TMEFF2: variants seen among roughly 807,000 people sequenced by gnomAD.
The protein encoded by TMEFF2 is tomoregulin-2.
TMEFF2 carries 28 observed loss-of-function variants against 53.8 expected under a neutral mutation model. That is an observed-to-expected ratio of 0.52 (90% confidence interval 0.39 to 0.71). TMEFF2 has a LOEUF of 0.71. Among genes scored for constraint, TMEFF2 ranks in the 30% least tolerant of loss-of-function variants. The pLI, the probability that TMEFF2 is intolerant of heterozygous loss-of-function variation, is 0.00. For synonymous variants in TMEFF2, 162 were observed against 166.3 expected (o/e 0.97, Z 0.20); for missense variants, 353 against 455.2 (o/e 0.78, Z 2.04).
At chr2:191,969,801 G>T (rs1692583004) in intron 7 of TMEFF2, among the ~76,000 whole-genome samples, 1 of 152,134 alleles carries the variant, frequency 6.6e-6, no homozygotes. Context: ...TCAGGAATAA[G>T]ATAAAATTAT....
intron 4 of TMEFF2, among the ~76,000 whole-genome samples, chr2:192,108,497 G>A (rs533079920): frequency 5.9e-5 from 9 of 151,580 alleles, no homozygotes; most frequent in Non-Finnish European, 1.0e-4. Flanking sequence ...CTTTAATGTC[G>A]TTAACACATT....
At chr2:191,981,646 A>G (rs539093979) in intron 7 of TMEFF2, among the ~76,000 whole-genome samples, 62 of 152,206 alleles carry the variant, frequency 4.1e-4, no homozygotes, top group Non-Finnish European at 7.1e-4. Context: ...TTGAATAATT[A>G]TAATTTGGCA....
intron 5 of TMEFF2, among the ~76,000 whole-genome samples, chr2:192,026,505 A>G (rs1429779416): frequency 2.6e-5 from 4 of 152,194 alleles, no homozygotes; most frequent in African/African-American, 9.6e-5. Flanking sequence ...GGCCAAGTGC[A>G]GTGGCTTTTA....
At chr2:192,134,502 G>T (rs538799142) in intron 4 of TMEFF2, among the ~76,000 whole-genome samples, 3 of 152,016 alleles carry the variant, frequency 2.0e-5, no homozygotes, top group Admixed American at 2.0e-4. Context: ...CCTTTCCATC[G>T]TGGAAATCTA....
intron 7 of TMEFF2, among the ~76,000 whole-genome samples, chr2:191,961,487 C>T (rs558038956): frequency 2.3e-5 from 3 of 130,628 alleles, no homozygotes; most frequent in African/African-American, 8.5e-5. Flanking sequence ...TTCTTACACA[C>T]CTTTTGTAAT....
intron 2 of TMEFF2, 29 bp downstream of exon 2, chr2:192,191,851 T>A (rs1279111692): frequency 1.4e-6 from 2 of 1,442,212 alleles, no homozygotes; most frequent in African/African-American, 2.8e-5. Context: ...CATTAATGAA[T>A]TAGAAGATGC....
At chr2:192,161,639 G>A (rs907635762) in intron 4 of TMEFF2, among the ~76,000 whole-genome samples, 1 of 152,176 alleles carries the variant, frequency 6.6e-6, no homozygotes, top group Non-Finnish European at 1.5e-5. Context: ...GGACCAGTCT[G>A]GAGACAACTG....
At chr2:191,963,615 A>G (rs1256785598) in intron 7 of TMEFF2, among the ~76,000 whole-genome samples, 2 of 152,218 alleles carry the variant, frequency 1.3e-5, no homozygotes, top group East Asian at 3.8e-4. Flanking sequence ...ATATAGTGAA[A>G]GCAAAGGTCT....
chr2:192,013,714 T>C (rs1025138642), intron 5 of TMEFF2, among the ~76,000 whole-genome samples: 2 of 152,182 alleles, frequency 1.3e-5, no homozygotes, highest in East Asian at 1.9e-4. Flanking sequence ...CCTCCCAAAG[T>C]GCTGGGATTT....
chr2:191,984,318 C>CTGTT (rs1685924724), intron 7 of TMEFF2, among the ~76,000 whole-genome samples: 1 of 152,044 alleles, frequency 6.6e-6, no homozygotes, highest in African/African-American at 2.4e-5. Flanking sequence ...AGGATAAAGT[C>CTGTT]TCATATATAT....
intron 9 of TMEFF2, among the ~76,000 whole-genome samples, chr2:191,951,157 GTGTA>G (rs199779291): frequency 0.045 from 6,579 of 145,658 alleles, 186 homozygotes; most frequent in Non-Finnish European, 0.068. Context: ...GTGGGTTTAT[GTGTA>G]TGTATGTGTG....
chr2:191,973,086 TAAGTA>T (rs1692695126), intron 7 of TMEFF2, among the ~76,000 whole-genome samples: 1 of 151,176 alleles, frequency 6.6e-6, no homozygotes, highest in African/African-American at 2.4e-5. Flanking sequence ...AAAGGCAAGA[TAAGTA>T]AATCATGAAG....
In TMEFF2 at chr2:191,986,952, A is replaced by T. The variant is rs182575789; in HGVS notation, c.745+11310T>A. 1.5e-4 allele frequency among the ~76,000 whole-genome samples: 22 copies of T among 151,560 alleles called. No individual in the cohort carries two copies. In the East Asian group the frequency reaches 4.1e-3, roughly 28 times the overall value. On this transcript the variant is annotated intron_variant, in intron 7 of 9. Coordinates refer to ENST00000272771, the MANE Select transcript of TMEFF2 (RefSeq NM_016192.4). ...TCTGGGATTTTGTCTCCTTTTGGGG[A>T]ACGGGAGAATTCAAGAATGATTAGG... is the stretch of plus-strand genomic sequence containing the variant.
chr2:192,126,841 A>AAAAC (rs150067959), intron 4 of TMEFF2, among the ~76,000 whole-genome samples: 22,279 of 151,796 alleles, frequency 0.15, 2,340 homozygotes, highest in African/African-American at 0.28. Context: ...AAAACAAAAC[A>AAAAC]AAACAAACAA....
intron 4 of TMEFF2, among the ~76,000 whole-genome samples, chr2:192,102,355 C>T (rs1270586003): frequency 6.6e-6 from 1 of 152,150 alleles, no homozygotes; most frequent in Admixed American, 6.6e-5. Context: ...CATTTTCTTT[C>T]ACTCAGAATA....
intron 8 of TMEFF2, among the ~76,000 whole-genome samples, chr2:191,954,723 G>A (rs1692011293): frequency 6.6e-6 from 1 of 152,124 alleles, no homozygotes; most frequent in Non-Finnish European, 1.5e-5. Context: ...TAAGTATGAC[G>A]TAGGCAACAT....
chr2:192,130,866 G>A (rs1188197800), intron 4 of TMEFF2, among the ~76,000 whole-genome samples: 2 of 151,754 alleles, frequency 1.3e-5, no homozygotes, highest in African/African-American at 2.4e-5. Flanking sequence ...GAGACAAGGA[G>A]AGAAGGGGTT....
At position 192,194,235 on chromosome 2, in the gene TMEFF2, G is replaced by C; in HGVS notation, c.172+118C>G. On this transcript the variant is annotated intron_variant, in intron 1 of 9. Coordinates refer to ENST00000272771, the MANE Select transcript of TMEFF2 (RefSeq NM_016192.4). The surrounding 1 kb of genome is among the most constrained non-coding windows in gnomAD (Gnocchi z 4.2). ...CTGGATAGAGGTGGGTGGTATTAGGGGTCTAGGGCAGTAGGAGGTGAGGGG... is the reference window on the plus strand; with the variant it reads ...CTGGATAGAGGTGGGTGGTATTAGGCGTCTAGGGCAGTAGGAGGTGAGGGG... 8.3e-7 allele frequency: 1 copy of C among 1,211,094 alleles called. No homozygotes were observed. The highest frequency in any genetic ancestry group is 2.2e-4 in the Middle Eastern group (1 of 4,634). The allele number at this position is 1,211,094 out of a possible 1,614,324, so 75.0% of individuals were successfully genotyped here.
At chr2:192,151,135 C>T (rs1446971189) in intron 4 of TMEFF2, among the ~76,000 whole-genome samples, 2 of 151,804 alleles carry the variant, frequency 1.3e-5, no homozygotes, top group African/African-American at 2.4e-5. Context: ...TCATCTGCTA[C>T]CATGTAAGAC....
Sources: gnomAD v4.1 joint callset for allele counts (sites outside exome capture counted in the v4.1 genomes callset) on GRCh38, gnomAD v4.1.1 for gene constraint, Gnocchi (gnomAD v3.1) non-coding constraint, MANE v1.5 for transcripts, NCBI Gene and HGNC (gene_info 2026-07-23, HGNC 2026-07-21) for gene names.